Variants in UTRN observed in about 807,000 individuals in gnomAD.
UTRN encodes dystrophin-related protein 1.
Under a neutral mutation model 463.9 loss-of-function variants are expected in UTRN, and 283 were observed. The observed-to-expected ratio is 0.61, with a 90% CI of 0.55 to 0.67. The LOEUF is 0.67. Among genes scored for constraint, UTRN ranks in the 30% least tolerant of loss-of-function variants. The probability of loss-of-function intolerance (pLI) is 0.00; values close to 1 mark genes in which losing one functional copy is unlikely to be tolerated. For missense variants in UTRN, 3,922 were observed against 4,084.3 expected (o/e 0.96, Z 1.08); for synonymous variants, 1,442 against 1,431.5 (o/e 1.01, Z -0.17).
intron 2 of UTRN, among the ~76,000 whole-genome samples, chr6:144,384,741 T>A (rs1245797159): frequency 1.3e-5 from 2 of 152,228 alleles, no homozygotes; most frequent in Non-Finnish European, 2.9e-5. Context: ...CTGAATTTCC[T>A]TTCTCTTCAA....
chr6:144,527,495 G>T (rs1188965537), intron 41 of UTRN, among the ~76,000 whole-genome samples: 2 of 152,308 alleles, frequency 1.3e-5, no homozygotes. Flanking sequence ...TTTTTGCGAT[G>T]AGTTTTCCAG....
At chr6:144,449,023 GCTTT>G (rs1449433215) in intron 17 of UTRN, among the ~76,000 whole-genome samples, 1 of 152,104 alleles carries the variant, frequency 6.6e-6, no homozygotes, top group African/African-American at 2.4e-5. Context: ...TGTGATCGAA[GCTTT>G]CTTTCTTCCT....
intron 56 of UTRN, among the ~76,000 whole-genome samples, chr6:144,752,358 A>T (rs757967346): frequency 6.6e-6 from 1 of 151,630 alleles, no homozygotes; most frequent in South Asian, 2.1e-4. Flanking sequence ...ACTGGTTGCT[A>T]TTTAAATATC....
chr6:144,306,739 T>C (rs1377901786), intron 2 of UTRN, among the ~76,000 whole-genome samples: 1 of 152,008 alleles, frequency 6.6e-6, no homozygotes, highest in Non-Finnish European at 1.5e-5. Context: ...AGTCATTTTT[T>C]GAGCTCTTTG....
intron 46 of UTRN, among the ~76,000 whole-genome samples, chr6:144,544,594 A>T (rs1197260307): frequency 2.6e-5 from 4 of 152,142 alleles, no homozygotes; most frequent in African/African-American, 7.2e-5. Flanking sequence ...AGCTATGACT[A>T]TTCATTTCAA....
rs755613354 is a variant in UTRN, at chr6:144,418,548, T to TTTG, written c.142-3318_142-3316dup. ...TGTATTTCTTTTATATAATGCTGTT[T>TTTG]TTGTTGTTGTTGTTTGTTTGTTTGT... is the stretch of plus-strand genomic sequence containing the variant. On this transcript the variant is annotated intron_variant, in intron 3 of 74. Coordinates refer to ENST00000367545, the MANE Select transcript of UTRN (RefSeq NM_007124.3). 2.7e-5 allele frequency among the ~76,000 whole-genome samples: 4 copies of TTTG among 147,444 alleles called. No individual in the cohort carries two copies. The East Asian group carries it at 7.8e-4, about 29-fold the overall frequency.
At chr6:144,738,583 A>G (rs1789704449) in intron 54 of UTRN, among the ~76,000 whole-genome samples, 1 of 152,240 alleles carries the variant, frequency 6.6e-6, no homozygotes, top group South Asian at 2.1e-4. Flanking sequence ...AAGCTAAGGT[A>G]TCAATCACTA....
intron 51 of UTRN, among the ~76,000 whole-genome samples, chr6:144,655,212 T>C (rs1779205779): frequency 6.6e-6 from 1 of 152,228 alleles, no homozygotes; most frequent in African/African-American, 2.4e-5. Context: ...GATTGAACTT[T>C]TTGCCCTTTA....
At chr6:144,706,988 T>C (rs1586133250) in intron 53 of UTRN, 1 of 152,186 alleles carries the variant, frequency 6.6e-6, no homozygotes, top group African/African-American at 2.4e-5. Context: ...TAGCTACTAA[T>C]AGGACTATAC....
chr6:144,419,973 G>GACACACACAC (rs60093118), intron 3 of UTRN, among the ~76,000 whole-genome samples: 2 of 147,912 alleles, frequency 1.4e-5, no homozygotes, highest in East Asian at 2.0e-4. Flanking sequence ...CACAGACACA[G>GACACACACAC]ACACACACAC....
At chr6:144,685,003 A>AT (rs561497987) in intron 52 of UTRN, among the ~76,000 whole-genome samples, 51 of 151,758 alleles carry the variant, frequency 3.4e-4, no homozygotes, top group African/African-American at 1.2e-3. Context: ...TTGTAGTTTT[A>AT]TTTTTTTTAT....
chr6:144,505,255 A>G (rs977730129), intron 34 of UTRN, among the ~76,000 whole-genome samples: 1 of 151,920 alleles, frequency 6.6e-6, no homozygotes, highest in Non-Finnish European at 1.5e-5. Flanking sequence ...TCGTGTCTCT[A>G]TCTCCTTTAG....
chr6:144,696,953 T>C (rs917667171), intron 52 of UTRN, among the ~76,000 whole-genome samples: 2 of 152,216 alleles, frequency 1.3e-5, no homozygotes, highest in Non-Finnish European at 2.9e-5. Flanking sequence ...GATACTGGTT[T>C]GTAGTTACTT....
intron 13 of UTRN, among the ~76,000 whole-genome samples, chr6:144,441,590 G>A (rs1787168233): frequency 6.6e-6 from 1 of 152,154 alleles, no homozygotes; most frequent in South Asian, 2.1e-4. Context: ...TTTTCCAGGT[G>A]CATAGTGCAA....
chr6:144,585,528 A>G (rs1179638195), intron 51 of UTRN, among the ~76,000 whole-genome samples: 2 of 152,104 alleles, frequency 1.3e-5, no homozygotes, highest in African/African-American at 4.8e-5. Flanking sequence ...GATAAATTTT[A>G]TTTGTGTGGT....
chr6:144,819,340 A>G (rs187667718), intron 65 of UTRN, among the ~76,000 whole-genome samples: 7 of 152,304 alleles, frequency 4.6e-5, no homozygotes, highest in Admixed American at 3.9e-4. Flanking sequence ...TGGCAAAACT[A>G]TATAAGGGTT....
chr6:144,780,525 G>C (rs1775730804), intron 60 of UTRN, among the ~76,000 whole-genome samples: 1 of 152,042 alleles, frequency 6.6e-6, no homozygotes, highest in Non-Finnish European at 1.5e-5. Context: ...TCCTTACTCA[G>C]ATGTTTAGAT....
chr6:144,520,801 T>G (rs1796017571), intron 39 of UTRN, among the ~76,000 whole-genome samples: 1 of 152,192 alleles, frequency 6.6e-6, no homozygotes, highest in Non-Finnish European at 1.5e-5. Flanking sequence ...ATGATTATCA[T>G]TTTTTAGAAG....
chr6:144,696,686 T>C (rs1166043955), intron 52 of UTRN, among the ~76,000 whole-genome samples: 1 of 152,144 alleles, frequency 6.6e-6, no homozygotes, highest in Non-Finnish European at 1.5e-5. Context: ...TATACTTTTG[T>C]AGTAAGAATA....
Sources: allele counts gnomAD v4.1 joint callset (sites outside exome capture counted in the v4.1 genomes callset), GRCh38; gene constraint gnomAD v4.1.1; transcripts MANE v1.5; gene names NCBI Gene and HGNC (gene_info 2026-07-23, HGNC 2026-07-21).